MON2: variants seen among roughly 807,000 people sequenced by gnomAD.
The protein encoded by MON2 is protein MON2 homolog.
MON2 carries 84 observed loss-of-function variants against 208.6 expected under a neutral mutation model. The observed-to-expected ratio is 0.40, with a 90% CI of 0.34 to 0.48. MON2 has a LOEUF of 0.48. MON2 is among the 20% of genes least tolerant of loss of function. The probability of loss-of-function intolerance (pLI) is 0.59; values close to 1 mark genes in which losing one functional copy is unlikely to be tolerated. For synonymous variants in MON2, 660 were observed against 694.0 expected, an observed-to-expected ratio of 0.95 and a Z score of 0.77; for missense variants, 1,611 against 2,015.4, an observed-to-expected ratio of 0.80 and a Z score of 3.84.
At position 62,597,712 on chromosome 12, in the gene MON2, G is replaced by A. The variant is rs1359699651; in HGVS notation, c.*4963G>A. 6.6e-6 allele frequency: 1 copy of A among 152,112 alleles called. No homozygotes were observed. Among genetic ancestry groups the A allele is most frequent in the Non-Finnish European group, 1.5e-5 (1 of 68,002 alleles). 9.4% of individuals were successfully genotyped at this position (152,112 alleles called of 1,614,324 possible). ...TCATGTCTTTTCTGTTATGTGGGTA[G>A]AGAGATTATATATCTTTTCTCAAAG... is the stretch of plus-strand genomic sequence containing the variant. On this transcript the variant is annotated 3_prime_UTR_variant, in exon 35 of 35. Transcript: ENST00000393630.
chr12:62,501,358 T>A (rs962216069), intron 6 of MON2, among the ~76,000 whole-genome samples: 3 of 152,350 alleles, frequency 2.0e-5, no homozygotes, highest in Middle Eastern at 3.4e-3. Flanking sequence ...CTACTGTCTC[T>A]GTGTTGTCAG....
intron 16 of MON2, 21 bp from the exon 17 acceptor site, chr12:62,538,075 G>T (rs1447088620): frequency 1.9e-6 from 3 of 1,542,308 alleles, no homozygotes; most frequent in South Asian, 2.3e-5. Flanking sequence ...TATTTGTTTT[G>T]ATTTTTTTTT....
rs1183956402 is a variant in MON2 at position 62,583,346 on chromosome 12, A to G, written c.4700-1948A>G. 3.3e-5 allele frequency among the ~76,000 whole-genome samples: 5 copies of G among 151,928 alleles called. No homozygotes were observed. The East Asian group carries it at 7.7e-4, about 24-fold the overall frequency. On this transcript the variant is annotated intron_variant, in intron 32 of 34. Coordinates refer to ENST00000393630, the MANE Select transcript of MON2 (RefSeq NM_015026.3). ...AGACTCTGTCTCAAAAACAAAAAAA[A>G]CAAGACGAGAAAGAACTCATAGAAA...
Position 62,508,444 on chromosome 12 carries a change from A to C in MON2, c.948A>C (p.Val316=). 6.2e-7 allele frequency: 1 copy of C among 1,614,110 alleles called. No homozygotes were observed. The highest frequency in any genetic ancestry group is 8.5e-7 in the Non-Finnish European group (1 of 1,179,996). Reference sequence around the variant, plus strand: ...CTATCTGCATGCGTTTGCTGAGAGTAGTATCTGTTCTGATTAAGCAGTTTT... The same window carrying C: ...CTATCTGCATGCGTTTGCTGAGAGTCGTATCTGTTCTGATTAAGCAGTTTT... ...YFPICMRLLR[V]VSVLIKQFYS... The change falls in exon 8 of 35, where the codon GTA becomes GTC. Residue 316 remains valine, a synonymous_variant. Transcript: ENST00000393630.
At chr12:62,469,394 A>G (rs1233399043) in intron 1 of MON2, among the ~76,000 whole-genome samples, 1 of 152,204 alleles carries the variant, frequency 6.6e-6, no homozygotes, top group Admixed American at 6.5e-5. Context: ...AACACTGGCT[A>G]GAGAGATATT....
At chr12:62,511,051 C>T (rs1483392898) in intron 8 of MON2, among the ~76,000 whole-genome samples, 1 of 151,992 alleles carries the variant, frequency 6.6e-6, no homozygotes, top group Non-Finnish European at 1.5e-5. Flanking sequence ...ATAAACTTAA[C>T]CAAGAAGGTG....
chr12:62,596,240 G>A lies in MON2; in HGVS notation c.*3491G>A, dbSNP rs1319468353. On this transcript the variant is annotated 3_prime_UTR_variant, in exon 35 of 35. Transcript: ENST00000393630. ...ATTATTACATTTGTGTCAATGAAGG[G>A]CAGTGTAGTTATTTTAAAATGACTA... 3 of 152,156 alleles carry A rather than the reference G, an allele frequency of 2.0e-5. No homozygotes were observed. The highest frequency in any genetic ancestry group is 4.8e-5 in the African/African-American group (2 of 41,420). 9.4% of individuals were successfully genotyped at this position (152,156 alleles called of 1,614,324 possible).
At chr12:62,480,869 T>C (rs1170188396) in intron 1 of MON2, among the ~76,000 whole-genome samples, 1 of 152,198 alleles carries the variant, frequency 6.6e-6, no homozygotes, top group Non-Finnish European at 1.5e-5. Flanking sequence ...ACTTTGGACC[T>C]ATGCAAGGTA....
In MON2 at chr12:62,537,206, C is replaced by G. The variant is rs1444030707; in HGVS notation, c.1956C>G (p.His652Gln). 6.2e-7 allele frequency: 1 copy of G among 1,613,444 alleles called. No homozygotes were observed. Among genetic ancestry groups the G allele is most frequent in the African/African-American group, 1.3e-5 (1 of 74,906 alleles). Residue 652 changes from histidine to glutamine, a missense_variant, in exon 15 of 35, where the codon CAC (histidine) becomes CAG (glutamine). Coordinates refer to ENST00000393630, the MANE Select transcript of MON2 (RefSeq NM_015026.3). ...TGATAAGTCCATCAAGTGAATCTCACCAACAAGTTGTGGCAGTGGGTCAAC... is the reference window on the plus strand; with the variant it reads ...TGATAAGTCCATCAAGTGAATCTCAGCAACAAGTTGTGGCAGTGGGTCAAC... The part of the protein sequence containing the change: ...VMMISPSSES[H>Q]QQVVAVGQPL...
chr12:62,582,092 G>A (rs764255473), intron 32 of MON2, among the ~76,000 whole-genome samples: 6 of 152,012 alleles, frequency 3.9e-5, no homozygotes, highest in Non-Finnish European at 8.8e-5. Flanking sequence ...TTTAAACCCC[G>A]CTTATCTTAA....
chr12:62,588,306 A>C (rs966510680), intron 34 of MON2, 150 bp downstream of exon 34: 1 of 565,692 alleles, frequency 1.8e-6, no homozygotes, highest in Non-Finnish European at 3.1e-6. Flanking sequence ...CATCAAGTCC[A>C]TTAGGATGTC....
intron 1 of MON2, among the ~76,000 whole-genome samples, chr12:62,475,781 G>A (rs1373947300): frequency 6.6e-6 from 1 of 150,440 alleles, no homozygotes; most frequent in Non-Finnish European, 1.5e-5. Flanking sequence ...AGGCTGAGGC[G>A]GGCTGATAAC....
At chr12:62,507,178 T>A (rs914987432) in intron 7 of MON2, among the ~76,000 whole-genome samples, 2 of 152,202 alleles carry the variant, frequency 1.3e-5, no homozygotes, top group Admixed American at 1.3e-4. Context: ...ATGGAATTGT[T>A]CTTTGAAAAA....
rs373491785 is a variant in MON2, at chr12:62,508,447, A to G, written c.951A>G (p.Val317=). Residue 317 remains valine (V), a synonymous_variant, in exon 8 of 35, where the codon GTA becomes GTG. Coordinates refer to ENST00000393630, the MANE Select transcript of MON2 (RefSeq NM_015026.3). ...FPICMRLLRV[V]SVLIKQFYSL... is the part of the protein sequence containing the mutation. ...TCTGCATGCGTTTGCTGAGAGTAGT[A>G]TCTGTTCTGATTAAGCAGTTTTACA... 1.1e-5 allele frequency: 17 copies of G among 1,614,090 alleles called. No individual in the cohort carries two copies. Among genetic ancestry groups the G allele is most frequent in the East Asian group, 2.2e-5 (1 of 44,864 alleles).
rs1229145105 is a variant in MON2, at chr12:62,549,658, T to A, written c.2754-10T>A. 6.3e-7 allele frequency: 1 copy of A among 1,581,828 alleles called. No homozygotes were observed. The highest frequency in any genetic ancestry group is 1.2e-5 in the South Asian group (1 of 85,138). ...ATAAGTGCATCTGTATACATTTCTT[T>A]TGTTTTCAGAGAATCCTTGATACGA... is the stretch of plus-strand genomic sequence containing the variant. On this transcript the variant is annotated splice_polypyrimidine_tract_variant and intron_variant, in intron 22 of 34. Transcript: ENST00000393630.
intron 13 of MON2, 83 bp downstream of exon 13, chr12:62,535,009 G>T: frequency 9.9e-7 from 1 of 1,011,544 alleles, no homozygotes; most frequent in Non-Finnish European, 1.5e-6. Flanking sequence ...TTTGTCCCTA[G>T]AATTATTTTC....
intron 2 of MON2, among the ~76,000 whole-genome samples, chr12:62,487,147 C>T (rs1444452339): frequency 1.3e-5 from 2 of 152,000 alleles, no homozygotes; most frequent in African/African-American, 4.8e-5. Context: ...TTCAGATGTA[C>T]AGATCATTAT....
chr12:62,550,813 G>C (rs114289248), intron 23 of MON2, among the ~76,000 whole-genome samples: 3,168 of 151,998 alleles, frequency 0.021, 114 homozygotes, highest in African/African-American at 0.072. Flanking sequence ...TTAGGCGTTG[G>C]CTTAAGGGAA....
At chr12:62,585,692 G>A in intron 33 of MON2, 191 bp downstream of exon 33, 1 of 463,058 alleles carries the variant, frequency 2.2e-6, no homozygotes, top group Non-Finnish European at 3.8e-6. Context: ...TTTTGTTATG[G>A]GGTGCTTTTT....
Sources: gnomAD v4.1 joint callset for allele counts (sites outside exome capture counted in the v4.1 genomes callset) on GRCh38, gnomAD v4.1.1 for gene constraint, MANE v1.5 for transcripts, NCBI Gene and HGNC (gene_info 2026-07-23, HGNC 2026-07-21) for gene names.